GPC5: variants seen among roughly 807,000 people sequenced by gnomAD.
GPC5 encodes glypican-5.
GPC5 carries 47 observed loss-of-function variants against 53.9 expected under a neutral mutation model. The observed-to-expected ratio is 0.87, with a 90% confidence interval of 0.69 to 1.11. GPC5 has a LOEUF of 1.11. Ranked by LOEUF, GPC5 falls within the 50% of genes most tolerant of loss-of-function variation. The pLI is 0.00. For missense variants in GPC5, 748 were observed against 713.1 expected (o/e 1.05, Z -0.56); for synonymous variants, 286 against 263.3 (o/e 1.09, Z -0.84).
intron 6 of GPC5, among the ~76,000 whole-genome samples, chr13:92,033,225 T>C (rs2040868015): frequency 6.6e-6 from 1 of 152,206 alleles, no homozygotes; most frequent in South Asian, 2.1e-4. Flanking sequence ...AGCCAAGTGC[T>C]TTCCAAAGGA....
chr13:92,406,222 TGAA>T (rs1386509296), intron 7 of GPC5, among the ~76,000 whole-genome samples: 2 of 152,192 alleles, frequency 1.3e-5, no homozygotes, highest in Non-Finnish European at 2.9e-5. Flanking sequence ...ATAATTAAGA[TGAA>T]GAAGGTCATT....
chr13:91,451,989 T>A (rs1881212953), intron 2 of GPC5, among the ~76,000 whole-genome samples: 1 of 152,094 alleles, frequency 6.6e-6, no homozygotes, highest in Non-Finnish European at 1.5e-5. Context: ...TTTTCTATTA[T>A]TTTTAATTTA....
At chr13:92,765,727 C>A (rs1339500746) in intron 7 of GPC5, among the ~76,000 whole-genome samples, 3 of 152,150 alleles carry the variant, frequency 2.0e-5, no homozygotes, top group South Asian at 2.1e-4. Flanking sequence ...ATTTAACAAG[C>A]CTTCCATGTG....
chr13:92,242,010 AT>A (rs910882425), intron 7 of GPC5: 1 of 152,412 alleles, frequency 6.6e-6, no homozygotes, highest in African/African-American at 2.4e-5. Flanking sequence ...AGGCAGGCAG[AT>A]TGCCTGAGGT....
chr13:92,178,315 C>A (rs561484168), intron 7 of GPC5, among the ~76,000 whole-genome samples: 1 of 151,940 alleles, frequency 6.6e-6, no homozygotes, highest in Non-Finnish European at 1.5e-5. Context: ...ATTTAAAGAG[C>A]CATTCATACC....
intron 6 of GPC5, among the ~76,000 whole-genome samples, chr13:91,998,538 T>C (rs932897732): frequency 5.3e-5 from 8 of 152,162 alleles, no homozygotes; most frequent in African/African-American, 1.9e-4. Context: ...TTTCTTAATG[T>C]CATCCCAACC....
intron 7 of GPC5, among the ~76,000 whole-genome samples, chr13:92,714,797 G>A (rs1335238712): frequency 1.3e-5 from 2 of 152,184 alleles, no homozygotes; most frequent in African/African-American, 4.8e-5. Context: ...GCCAGGCACG[G>A]TGGCTCACAC....
intron 7 of GPC5, among the ~76,000 whole-genome samples, chr13:92,608,435 C>T (rs1362150655): frequency 6.6e-6 from 1 of 152,098 alleles, no homozygotes; most frequent in Non-Finnish European, 1.5e-5. Context: ...AAACAGTATC[C>T]TATAATGGTA....
intron 7 of GPC5, among the ~76,000 whole-genome samples, chr13:92,153,549 C>T (rs183347520): frequency 8.5e-5 from 13 of 152,180 alleles, no homozygotes; most frequent in Non-Finnish European, 1.8e-4. Flanking sequence ...GCATTTGGTA[C>T]GATATGAACA....
At chr13:92,585,998 A>G (rs1594324275) in intron 7 of GPC5, among the ~76,000 whole-genome samples, 2 of 152,258 alleles carry the variant, frequency 1.3e-5, no homozygotes, top group Admixed American at 1.3e-4. Flanking sequence ...CTTCATGAGC[A>G]GCATGAAAAC....
intron 5 of GPC5, among the ~76,000 whole-genome samples, chr13:91,832,394 C>T (rs911811208): frequency 4.0e-5 from 6 of 149,624 alleles, no homozygotes; most frequent in African/African-American, 1.5e-4. Flanking sequence ...GTGAGATGGG[C>T]CTCCTGAATA....
At chr13:92,529,399 A>T (rs944232193) in intron 7 of GPC5, among the ~76,000 whole-genome samples, 1 of 152,236 alleles carries the variant, frequency 6.6e-6, no homozygotes, top group African/African-American at 2.4e-5. Context: ...ACACAAAAAG[A>T]TATTATGGAA....
intron 7 of GPC5, among the ~76,000 whole-genome samples, chr13:92,226,981 C>T (rs2042491699): frequency 6.6e-6 from 1 of 152,112 alleles, no homozygotes; most frequent in African/African-American, 2.4e-5. Flanking sequence ...GGCCAGTTAC[C>T]TTGGAAACCT....
At chr13:92,294,814 TTTTTTTTTTTTC>T (rs1222741245) in intron 7 of GPC5, among the ~76,000 whole-genome samples, 1 of 131,528 alleles carries the variant, frequency 7.6e-6, no homozygotes, top group Non-Finnish European at 1.6e-5. Context: ...TGTTTCTTTC[TTTTTTTTTTTTC>T]TTTTTTTTTT....
intron 7 of GPC5, among the ~76,000 whole-genome samples, chr13:92,619,266 T>A (rs1297636731): frequency 6.6e-6 from 1 of 152,004 alleles, no homozygotes; most frequent in African/African-American, 2.4e-5. Context: ...GCATATTTAA[T>A]TTTTATGTCA....
chr13:91,974,401 G>A (rs894885651), intron 6 of GPC5, among the ~76,000 whole-genome samples: 6 of 152,096 alleles, frequency 3.9e-5, no homozygotes, highest in African/African-American at 9.7e-5. Flanking sequence ...TCCTTAAGCT[G>A]ATAAGCAACT....
intron 6 of GPC5, among the ~76,000 whole-genome samples, chr13:91,984,918 A>C (rs544773155): frequency 6.6e-6 from 1 of 152,326 alleles, no homozygotes; most frequent in African/African-American, 2.4e-5. Flanking sequence ...TAAATGTTCA[A>C]ATGTCCATCT....
chr13:91,818,577 A>G (rs2038436461), intron 5 of GPC5, among the ~76,000 whole-genome samples: 1 of 152,178 alleles, frequency 6.6e-6, no homozygotes, highest in Non-Finnish European at 1.5e-5. Flanking sequence ...GAAAAATAAT[A>G]AAATGCTGGG....
rs567478017 is a variant in GPC5, at chr13:92,547,819, C to CTTTTTTTTTTTTT, written c.1562-318451_1562-318439dup. On this transcript the variant is annotated intron_variant, in intron 7 of 7. Coordinates refer to ENST00000377067, the MANE Select transcript of GPC5 (RefSeq NM_004466.6). ...AAGAAAACTTATTATGCCTATTATTCTTTTTTTTTTTTTTTTTTTTTTTTC... is the reference window on the plus strand; with the variant it reads ...AAGAAAACTTATTATGCCTATTATTCTTTTTTTTTTTTTTTTTTTTTTTTTTTTTTTTTTTTTC... 7.8e-4 allele frequency among the ~76,000 whole-genome samples: 78 copies of CTTTTTTTTTTTTT among 100,448 alleles called. 2 individuals are homozygous for CTTTTTTTTTTTTT. Among genetic ancestry groups the CTTTTTTTTTTTTT allele is most frequent in the African/African-American group, 2.7e-3 (68 of 24,928 alleles). The allele number at this position is 100,448 out of a possible 152,430, so 65.9% of individuals were successfully genotyped here.
Sources: gnomAD v4.1 joint callset for allele counts (sites outside exome capture counted in the v4.1 genomes callset) on GRCh38, gnomAD v4.1.1 for gene constraint, MANE v1.5 for transcripts, NCBI Gene and HGNC (gene_info 2026-07-23, HGNC 2026-07-21) for gene names.